Variants in INTS14 observed in about 807,000 individuals in gnomAD.
INTS14 encodes UPF0464 protein C15orf44.
INTS14 carries 27 observed loss-of-function variants against 56.9 expected under a neutral mutation model. That is an observed-to-expected ratio of 0.47 (90% confidence interval 0.35 to 0.65). The LOEUF (loss-of-function observed/expected upper bound fraction) is 0.65, where lower values mean the gene tolerates loss of function less well. Ranked by LOEUF, INTS14 falls within the 30% of genes least tolerant of loss-of-function variation. The pLI, the probability that INTS14 is intolerant of heterozygous loss-of-function variation, is 0.00. For synonymous variants in INTS14, 207 were observed against 236.2 expected (o/e 0.88, Z 1.13); for missense variants, 517 against 632.2 (o/e 0.82, Z 1.95).
At chr15:65,585,193 A>C (rs1566918544) in intron 9 of INTS14, among the ~76,000 whole-genome samples, 1 of 151,988 alleles carries the variant, frequency 6.6e-6, no homozygotes. Flanking sequence ...ATATATATAC[A>C]TACACATAGA....
In INTS14 at chr15:65,579,182, T is replaced by C. The variant is rs138028542; in HGVS notation, c.*226A>G. The stretch of plus-strand genomic sequence containing the variant: ...CCCATCATGGGAACAGCAGCTATCT[T>C]CCAAGCTTAAAAATTATGAATCCCA... On this transcript the variant is annotated 3_prime_UTR_variant, in exon 12 of 12. Coordinates refer to ENST00000313182, the MANE Select transcript of INTS14 (RefSeq NM_001394796.1). The C allele has an allele frequency of 7.6e-3, 4,182 of 547,090 alleles. 29 individuals carry two copies. The highest frequency in any genetic ancestry group is 8.5e-3 in the Non-Finnish European group (2,717 of 318,804). The allele number at this position is 547,090 out of a possible 1,614,324, so 33.9% of individuals were successfully genotyped here. A position where few individuals can be genotyped will look rare whatever the true frequency, so the allele number is the denominator to read the frequency against.
chr15:65,591,308 CT>C (rs2073019023), intron 9 of INTS14, among the ~76,000 whole-genome samples: 1 of 152,074 alleles, frequency 6.6e-6, no homozygotes, highest in Non-Finnish European at 1.5e-5. Context: ...ATTACTTGAA[CT>C]ATAGTACACC....
At chr15:65,606,574 C>T (rs977111679) in intron 2 of INTS14, among the ~76,000 whole-genome samples, 2 of 152,178 alleles carry the variant, frequency 1.3e-5, no homozygotes, top group Middle Eastern at 3.4e-3. Flanking sequence ...TTCTTGACTG[C>T]TCACTATGGG....
Position 65,598,998 on chromosome 15 carries a change from G to A in INTS14, c.487-8C>T, listed in dbSNP as rs1367031992. 6.2e-7 allele frequency: 1 copy of A among 1,607,992 alleles called. No individual in the cohort carries two copies. Among genetic ancestry groups the A allele is most frequent in the Non-Finnish European group, 8.5e-7 (1 of 1,175,518 alleles). On this transcript the variant is annotated splice_region_variant and splice_polypyrimidine_tract_variant and intron_variant, in intron 4 of 11. Coordinates refer to ENST00000313182, the MANE Select transcript of INTS14 (RefSeq NM_001394796.1). ...GGAATCGGTGCTCTGGAGCTATAAA[G>A]CAAAACAGATGACCCTTAAAGTGGC...
intron 7 of INTS14, 44 bp downstream of exon 7, chr15:65,595,689 A>G (rs768393721): frequency 6.9e-7 from 1 of 1,443,626 alleles, no homozygotes; most frequent in African/African-American, 1.4e-5. Flanking sequence ...GAACAACTTT[A>G]GTTAATAAGA....
intron 9 of INTS14, among the ~76,000 whole-genome samples, chr15:65,590,478 C>T (rs1308980440): frequency 6.6e-6 from 1 of 152,230 alleles, no homozygotes; most frequent in Non-Finnish European, 1.5e-5. Flanking sequence ...AATCTACCAT[C>T]TGCCCCTCCC....
Position 65,578,897 on chromosome 15 carries a change from TAA to T in INTS14, c.*509_*510del, listed in dbSNP as rs2072464219. On this transcript the variant is annotated 3_prime_UTR_variant, in exon 12 of 12. Transcript: ENST00000313182. ...AATCTCAAGAGATACCAAAAGCACT[TAA>T]GAGTTACCACCACATTTTGCCCAAG... 6.6e-6 allele frequency: 1 copy of T among 152,438 alleles called. No individual in the cohort carries two copies. Among genetic ancestry groups the T allele is most frequent in the Non-Finnish European group, 1.5e-5 (1 of 68,246 alleles). The allele number at this position is 152,438 out of a possible 1,614,324, so 9.4% of individuals were successfully genotyped here.
chr15:65,588,467 C>A (rs1399579900), intron 9 of INTS14, among the ~76,000 whole-genome samples: 2 of 151,822 alleles, frequency 1.3e-5, no homozygotes, highest in South Asian at 2.1e-4. Context: ...GAGTTTGAGA[C>A]CAGCCTGACC....
chr15:65,599,828 T>C lies in INTS14; in HGVS notation c.432A>G (p.Leu144=). The C allele has an allele frequency of 6.2e-7, 1 of 1,614,136 alleles. No individual in the cohort carries two copies. Among genetic ancestry groups the C allele is most frequent in the Non-Finnish European group, 8.5e-7 (1 of 1,180,022 alleles). ...NQRSESNRFP[L]PFPFPSKLYI... ...ATAACTTAGATGGGAAAGGAAAAGGTAGTGGAAACCTGTTGCTCTCACTTC... is the reference window on the plus strand; with the variant it reads ...ATAACTTAGATGGGAAAGGAAAAGGCAGTGGAAACCTGTTGCTCTCACTTC... The change falls in exon 4 of 12, where the codon CTA becomes CTG. Residue 144 remains leucine, a synonymous_variant. Transcript: ENST00000313182.
rs373780712 is a variant in INTS14 at position 65,598,938 on chromosome 15, T to C, written c.539A>G (p.Asn180Ser). The C allele has an allele frequency of 5.6e-6, 9 of 1,613,934 alleles. No homozygotes were observed. The highest frequency in any genetic ancestry group is 7.6e-6 in the Non-Finnish European group (9 of 1,179,960). Residue 180 changes from asparagine (N) to serine (S), a missense_variant, in exon 5 of 12, where the codon AAT becomes AGT. Physicochemically the swap from Asn to Ser is conservative, Grantham distance 46 (BLOSUM62 1). Transcript: ENST00000313182. The stretch of plus-strand genomic sequence containing the variant: ...AATAGTAAAAATCTGCCCTTCACCA[T>C]TGTTTAAATCTATGAGACGTTCAAG... ...ECLERLIDLN[N>S]GEGQIFTIDG...
At chr15:65,589,577 T>G (rs1013678165) in intron 9 of INTS14, among the ~76,000 whole-genome samples, 2 of 152,164 alleles carry the variant, frequency 1.3e-5, no homozygotes, top group African/African-American at 4.8e-5. Context: ...GCACTGAACT[T>G]TTTCCTCCCT....
chr15:65,590,881 A>C (rs908614906), intron 9 of INTS14, among the ~76,000 whole-genome samples: 5 of 152,192 alleles, frequency 3.3e-5, no homozygotes, highest in African/African-American at 1.2e-4. Flanking sequence ...AATCAAAAGG[A>C]GGAGGAAAAT....
At chr15:65,589,008 A>G (rs1205857856) in intron 9 of INTS14, among the ~76,000 whole-genome samples, 1 of 152,220 alleles carries the variant, frequency 6.6e-6, no homozygotes, top group East Asian at 1.9e-4. Flanking sequence ...CAACATGAAC[A>G]CAGGGCAGAG....
At chr15:65,606,246 C>T (rs2141327381) in intron 2 of INTS14, among the ~76,000 whole-genome samples, 1 of 133,074 alleles carries the variant, frequency 7.5e-6, no homozygotes, top group African/African-American at 2.9e-5. Context: ...CAGCGAGACT[C>T]CGTCTCAAAA....
Position 65,607,128 on chromosome 15 carries a change from T to G in INTS14, c.222+31A>C, listed in dbSNP as rs2073682520. 8 of 1,610,004 alleles carry G rather than the reference T, an allele frequency of 5.0e-6. No individual in the cohort carries two copies. In the East Asian group the frequency reaches 1.8e-4, roughly 36 times the overall value. Reference sequence around the variant, plus strand: ...TTTTCCTCCCAATAAATTTAGGCCCTGTACATACAATAACTTACTACATTT... The same window carrying G: ...TTTTCCTCCCAATAAATTTAGGCCCGGTACATACAATAACTTACTACATTT... On this transcript the variant is annotated intron_variant, in intron 2 of 11. Transcript: ENST00000313182.
intron 8 of INTS14, 80 bp from the exon 9 acceptor site, chr15:65,591,811 C>A: frequency 6.7e-7 from 1 of 1,496,368 alleles, no homozygotes; most frequent in Admixed American, 2.2e-5. Context: ...CTGTATTTTT[C>A]TCTTGAGAGA....
chr15:65,605,523 T>C (rs1291383998), intron 2 of INTS14, among the ~76,000 whole-genome samples: 1 of 152,218 alleles, frequency 6.6e-6, no homozygotes, highest in East Asian at 1.9e-4. Context: ...AAAGGAACTT[T>C]TAAACACATC....
Position 65,581,960 on chromosome 15 carries a change from G to GA in INTS14, c.1298dup (p.Tyr434LeufsTer2), listed in dbSNP as rs2072637251. ...CCTCTTCTGTCTGTCTCACCTTATA[G>GA]AATGTCTGTGTTTTTTCAGGTAGTT... On this transcript the variant is annotated frameshift_variant, in exon 11 of 12. Coordinates refer to ENST00000313182, the MANE Select transcript of INTS14 (RefSeq NM_001394796.1). LOFTEE classifies it high-confidence loss of function. The GA allele has an allele frequency of 1.2e-6, 2 of 1,613,068 alleles. No individual in the cohort carries two copies. The highest frequency in any genetic ancestry group is 1.7e-6 in the Non-Finnish European group (2 of 1,179,810).
chr15:65,581,118 G>A (rs2072591252), intron 11 of INTS14, among the ~76,000 whole-genome samples: 2 of 152,010 alleles, frequency 1.3e-5, no homozygotes, highest in African/African-American at 2.4e-5. Flanking sequence ...GGTGGCTCAC[G>A]CCTGTAATCC....
Sources: gnomAD v4.1 joint callset for allele counts (sites outside exome capture counted in the v4.1 genomes callset) on GRCh38, gnomAD v4.1.1 for gene constraint, MANE v1.5 for transcripts, NCBI Gene and HGNC (gene_info 2026-07-23, HGNC 2026-07-21) for gene names.